The following SCARA5 variants were observed in gnomAD, a reference collection of about 807,000 sequenced individuals.
SCARA5 encodes the protein scavenger receptor class A member 5.
In SCARA5, 45 loss-of-function variants were observed where a neutral mutation model predicts 46.3. That is an observed-to-expected ratio of 0.97 (90% confidence interval 0.76 to 1.24). SCARA5 has a LOEUF of 1.24. Among genes scored for constraint, SCARA5 ranks in the 50% most tolerant of loss-of-function variants. SCARA5 has a pLI of 0.00. For missense variants in SCARA5, 680 were observed against 689.0 expected (o/e 0.99, Z 0.15); for synonymous variants, 333 against 306.5 (o/e 1.09, Z -0.90).
At chr8:27,898,789 C>T (rs1202190291) in intron 7 of SCARA5, among the ~76,000 whole-genome samples, 1 of 152,108 alleles carries the variant, frequency 6.6e-6, no homozygotes, top group Admixed American at 6.5e-5. Context: ...AGAGGGGCTG[C>T]AAAGATTGAA....
chr8:27,877,729 T>C (rs991323157), intron 8 of SCARA5, among the ~76,000 whole-genome samples: 1 of 152,120 alleles, frequency 6.6e-6, no homozygotes, highest in Non-Finnish European at 1.5e-5. Context: ...ACAGTATTCT[T>C]TCCTGGTAGG....
intron 2 of SCARA5, among the ~76,000 whole-genome samples, chr8:27,969,598 G>A (rs1808417772): frequency 6.6e-6 from 1 of 152,098 alleles, no homozygotes; most frequent in South Asian, 2.1e-4. Flanking sequence ...TAGACATTTG[G>A]CCAAACCCAC....
At chr8:27,923,774 C>T (rs1029624030) in intron 3 of SCARA5, among the ~76,000 whole-genome samples, 28 of 152,096 alleles carry the variant, frequency 1.8e-4, no homozygotes, top group Non-Finnish European at 3.8e-4. Context: ...GGGGTTTCAC[C>T]ATGTTGGCCA....
At chr8:27,889,854 G>A (rs1806954772) in intron 7 of SCARA5, among the ~76,000 whole-genome samples, 1 of 152,224 alleles carries the variant, frequency 6.6e-6, no homozygotes, top group South Asian at 2.1e-4. Context: ...CTTGGCTTTT[G>A]AGGAAAGTGA....
intron 3 of SCARA5, among the ~76,000 whole-genome samples, chr8:27,928,875 A>G (rs1807724025): frequency 6.6e-6 from 1 of 152,098 alleles, no homozygotes; most frequent in Non-Finnish European, 1.5e-5. Context: ...CACGTTGGCC[A>G]GGCTGTTCTC....
At chr8:27,876,466 G>A (rs979617301) in intron 8 of SCARA5, among the ~76,000 whole-genome samples, 3 of 152,196 alleles carry the variant, frequency 2.0e-5, no homozygotes, top group African/African-American at 7.2e-5. Context: ...ATGTGGGGAG[G>A]GGGAGTGGTG....
chr8:27,958,501 C>T (rs895251949), intron 3 of SCARA5, among the ~76,000 whole-genome samples: 43 of 152,210 alleles, frequency 2.8e-4, no homozygotes, highest in African/African-American at 1.0e-3. Flanking sequence ...GGGTGAAATG[C>T]GTGCACGGGC....
intron 7 of SCARA5, among the ~76,000 whole-genome samples, chr8:27,887,727 C>T (rs1028177837): frequency 5.9e-5 from 9 of 152,052 alleles, no homozygotes; most frequent in Admixed American, 1.3e-4. Flanking sequence ...ACCACAAGCC[C>T]GAGATGGAGC....
chr8:27,896,823 G>A (rs1807071314), intron 7 of SCARA5, among the ~76,000 whole-genome samples: 1 of 152,182 alleles, frequency 6.6e-6, no homozygotes, highest in Admixed American at 6.5e-5. Context: ...GCTGGGCGCA[G>A]TGGCTCACGC....
chr8:27,888,070 T>A (rs1806925337), intron 7 of SCARA5, among the ~76,000 whole-genome samples: 1 of 152,078 alleles, frequency 6.6e-6, no homozygotes, highest in Non-Finnish European at 1.5e-5. Context: ...CGGACTTTTT[T>A]TTTTGAGACA....
intron 2 of SCARA5, among the ~76,000 whole-genome samples, chr8:27,973,425 C>A (rs1585521925): frequency 6.6e-6 from 1 of 151,930 alleles, no homozygotes; most frequent in Non-Finnish European, 1.5e-5. Flanking sequence ...TGCAGTGAGC[C>A]GAGATCGCGC....
chr8:27,977,103 G>A (rs539008824), intron 2 of SCARA5, among the ~76,000 whole-genome samples: 21 of 152,230 alleles, frequency 1.4e-4, no homozygotes, highest in Admixed American at 7.8e-4. Flanking sequence ...CACTCCTCAC[G>A]GTATACTCCC....
intron 4 of SCARA5, among the ~76,000 whole-genome samples, chr8:27,910,016 C>A (rs75746695): frequency 0.017 from 2,549 of 152,192 alleles, 167 homozygotes; most frequent in East Asian, 0.14. Context: ...ATATGTATGT[C>A]CCCTCCCAAA....
Position 27,950,352 on chromosome 8 carries a change from A to C in SCARA5, c.241+16062T>G, listed in dbSNP as rs533014608. ...TGCCTTGTAAGGAGACCCCCACCCC[A>C]CACACACCCCCAATCCCATCCTCGA... On this transcript the variant is annotated intron_variant, in intron 3 of 8. Transcript: ENST00000354914. Among the ~76,000 whole-genome samples, 114 of 152,052 alleles carry C rather than the reference A, an allele frequency of 7.5e-4. 1 individual carries two copies. The South Asian group carries it at 0.01, about 14-fold the overall frequency.
chr8:27,989,251 T>C lies in SCARA5; in HGVS notation c.-15-1621A>G, dbSNP rs910561175. On this transcript the variant is annotated intron_variant, in intron 1 of 8. Coordinates refer to ENST00000354914, the MANE Select transcript of SCARA5 (RefSeq NM_173833.6). ...CCCGGGCTCAAGTGATCCTCCCAAC[T>C]CATCCTCCTGAGTAGCTGGGATTAC... Among the ~76,000 whole-genome samples the C allele has an allele frequency of 3.4e-5, 5 of 145,686 alleles. No individual in the cohort carries two copies. In the South Asian group the frequency reaches 1.2e-3, roughly 34 times the overall value.
chr8:27,877,000 A>G (rs939716), intron 8 of SCARA5, among the ~76,000 whole-genome samples: 148,255 of 152,198 alleles, frequency 0.97, 72,342 homozygotes, highest in East Asian at 1. Context: ...AACAGCATTA[A>G]AACCCTTGGC....
chr8:27,900,011 A>ACAG (rs1289654545), intron 7 of SCARA5, among the ~76,000 whole-genome samples: 1 of 152,050 alleles, frequency 6.6e-6, no homozygotes, highest in Non-Finnish European at 1.5e-5. Context: ...GATGGCATGC[A>ACAG]CCTGTAATCC....
In SCARA5 at chr8:27,971,902, A is replaced by T. The variant is rs75528018; in HGVS notation, c.113-5360T>A. ...AGCCTGCACAATCTTGCCATAGCAG[A>T]GTGTCCCTGGGCTATTACTTTCTTA... On this transcript the variant is annotated intron_variant, in intron 2 of 8. Transcript: ENST00000354914. 5.2e-3 allele frequency among the ~76,000 whole-genome samples: 794 copies of T among 152,300 alleles called. 6 individuals carry two copies. The highest frequency in any genetic ancestry group is 0.034 in the Middle Eastern group (10 of 294).
rs965002189 is a variant in SCARA5, at chr8:27,992,410, A to AG, written c.-170dup. On this transcript the variant is annotated 5_prime_UTR_variant, in exon 1 of 9. Coordinates refer to ENST00000354914, the MANE Select transcript of SCARA5 (RefSeq NM_173833.6). ...GCCAAATCCAGATGGAGTCATAGAA[A>AG]GGGGCTGCAGGGGCGCCCAGGGACG... is the stretch of plus-strand genomic sequence containing the variant. 6.6e-6 allele frequency: 1 copy of AG among 152,274 alleles called. No homozygotes were observed. Among genetic ancestry groups the AG allele is most frequent in the African/African-American group, 2.4e-5 (1 of 41,444 alleles). The allele number at this position is 152,274 out of a possible 1,614,324, so 9.4% of individuals were successfully genotyped here.
Sources: allele counts gnomAD v4.1 joint callset (sites outside exome capture counted in the v4.1 genomes callset), GRCh38; gene constraint gnomAD v4.1.1; transcripts MANE v1.5; gene names NCBI Gene and HGNC (gene_info 2026-07-23, HGNC 2026-07-21).